The following STK32B variants were observed in gnomAD, a reference collection of about 807,000 sequenced individuals.
The protein encoded by STK32B is serine/threonine-protein kinase 32B.
A neutral mutation model predicts 52.6 loss-of-function variants in STK32B; 43 were observed. The observed-to-expected ratio is 0.82, with a 90% CI of 0.64 to 1.05. The LOEUF is 1.05. STK32B is among the 50% of genes least tolerant of loss of function. STK32B has a pLI of 0.00. For missense variants in STK32B, 621 were observed against 534.6 expected (o/e 1.16, Z -1.59); for synonymous variants, 238 against 204.3 (o/e 1.17, Z -1.41).
intron 3 of STK32B, among the ~76,000 whole-genome samples, chr4:5,308,232 C>T (rs1465317277): frequency 6.6e-6 from 1 of 152,126 alleles, no homozygotes; most frequent in Non-Finnish European, 1.5e-5. Context: ...TTGGCTGTCC[C>T]ACAGAGCCTG....
At chr4:5,224,334 T>A (rs573586187) in intron 3 of STK32B, among the ~76,000 whole-genome samples, 43 of 152,332 alleles carry the variant, frequency 2.8e-4, no homozygotes, top group African/African-American at 9.9e-4. Flanking sequence ...TGCACTTAGC[T>A]CCAGCTTGTC....
intron 4 of STK32B, among the ~76,000 whole-genome samples, chr4:5,341,598 A>T (rs1203225963): frequency 2.6e-5 from 4 of 152,240 alleles, no homozygotes; most frequent in Non-Finnish European, 5.9e-5. Flanking sequence ...TAAATTTGCT[A>T]TATTAGGCTG....
chr4:5,127,473 T>G (rs1715475971), intron 1 of STK32B, among the ~76,000 whole-genome samples: 1 of 152,200 alleles, frequency 6.6e-6, no homozygotes, highest in Admixed American at 6.5e-5. Context: ...CATCATTTAT[T>G]GAACCTCTTA....
intron 6 of STK32B, among the ~76,000 whole-genome samples, chr4:5,438,651 T>G (rs897362576): frequency 2.6e-5 from 4 of 152,242 alleles, no homozygotes; most frequent in African/African-American, 7.2e-5. Context: ...GTGCACATTG[T>G]GCAGGTTAGT....
At chr4:5,441,726 C>G (rs1354269898) in intron 6 of STK32B, among the ~76,000 whole-genome samples, 2 of 145,858 alleles carry the variant, frequency 1.4e-5, no homozygotes, top group Middle Eastern at 3.4e-3. Context: ...TTCCTGCTTT[C>G]TCTTGTGGGC....
intron 6 of STK32B, among the ~76,000 whole-genome samples, chr4:5,444,161 TA>T (rs1341494745): frequency 5.3e-5 from 8 of 152,120 alleles, no homozygotes; most frequent in African/African-American, 1.4e-4. Context: ...TTTGTTTACC[TA>T]ATCAAGCCTG....
At chr4:5,184,172 T>C (rs989545815) in intron 3 of STK32B, among the ~76,000 whole-genome samples, 11 of 152,200 alleles carry the variant, frequency 7.2e-5, no homozygotes, top group African/African-American at 2.7e-4. Flanking sequence ...TAATTATTTC[T>C]GGCTTTTGAT....
intron 11 of STK32B, among the ~76,000 whole-genome samples, chr4:5,490,911 T>C (rs1187682142): frequency 6.6e-6 from 1 of 152,234 alleles, no homozygotes. Flanking sequence ...ACTCATCATT[T>C]TTTATGGCTG....
intron 2 of STK32B, among the ~76,000 whole-genome samples, chr4:5,156,841 T>G (rs192548791): frequency 7.0e-4 from 107 of 152,066 alleles, no homozygotes; most frequent in Non-Finnish European, 1.1e-3. Context: ...TGAGCAAGAG[T>G]TGTACAAATG....
chr4:5,343,742 C>T (rs754380175), intron 4 of STK32B, among the ~76,000 whole-genome samples: 2 of 152,162 alleles, frequency 1.3e-5, no homozygotes, highest in Admixed American at 6.5e-5. Context: ...AATTAAAGAG[C>T]TTCTGCACAG....
intron 4 of STK32B, among the ~76,000 whole-genome samples, chr4:5,340,577 T>A (rs1437061206): frequency 6.6e-6 from 1 of 152,176 alleles, no homozygotes; most frequent in Admixed American, 6.5e-5. Context: ...TTGAGAATGA[T>A]CTTTCTGAAG....
chr4:5,079,977 G>A (rs1712315269), intron 1 of STK32B, among the ~76,000 whole-genome samples: 1 of 152,052 alleles, frequency 6.6e-6, no homozygotes, highest in African/African-American at 2.4e-5. Flanking sequence ...GGAATATAGG[G>A]GGCTGTTGGC....
intron 3 of STK32B, among the ~76,000 whole-genome samples, chr4:5,224,745 T>C (rs1412969867): frequency 1.3e-5 from 2 of 152,154 alleles, no homozygotes; most frequent in Non-Finnish European, 2.9e-5. Context: ...TTAATAATAT[T>C]AATGACAAAT....
In STK32B at chr4:5,416,857, T is replaced by C; in HGVS notation, c.485T>C (p.Ile162Thr). 1 of 1,613,850 alleles carries C rather than the reference T, an allele frequency of 6.2e-7. No homozygotes were observed. Among genetic ancestry groups the C allele is most frequent in the Non-Finnish European group, 8.5e-7 (1 of 1,179,890 alleles). The part of the protein sequence containing the change: ...ILLDEHGHVH[I>T]TDFNIATVVK... ...TCTGTATTTGCAGGACATGTTCACA[T>C]TACAGACTTCAACATAGCGACGGTA... The change falls in exon 6 of 12, where the codon ATT becomes ACT. Residue 162 changes from isoleucine (I) to threonine (T), a missense_variant. By Grantham distance (89) the Ile-to-Thr change is moderately conservative. Transcript: ENST00000282908.
chr4:5,299,711 C>A (rs66698262), intron 3 of STK32B, among the ~76,000 whole-genome samples: 20,939 of 152,128 alleles, frequency 0.14, 2,887 homozygotes, highest in African/African-American at 0.36. Context: ...ACGTTTCTTG[C>A]TTTGTTCTTT....
chr4:5,422,808 A>C (rs1712755628), intron 6 of STK32B, among the ~76,000 whole-genome samples: 1 of 152,110 alleles, frequency 6.6e-6, no homozygotes, highest in Admixed American at 6.6e-5. Context: ...TGGCATGAAG[A>C]GGGGGAGATG....
At chr4:5,138,362 A>G (rs1294103825) in intron 1 of STK32B, among the ~76,000 whole-genome samples, 1 of 152,082 alleles carries the variant, frequency 6.6e-6, no homozygotes, top group Non-Finnish European at 1.5e-5. Flanking sequence ...TGCTTCCATT[A>G]TGTGGTGAAC....
At chr4:5,254,974 A>G (rs1038668270) in intron 3 of STK32B, among the ~76,000 whole-genome samples, 7 of 151,318 alleles carry the variant, frequency 4.6e-5, no homozygotes, top group Admixed American at 3.3e-4. Context: ...TAATATATAT[A>G]TATGTTTATT....
At chr4:5,171,417 CTTCTAGGGTTTTT>C (rs1445029797) in intron 3 of STK32B, among the ~76,000 whole-genome samples, 1 of 151,954 alleles carries the variant, frequency 6.6e-6, no homozygotes, top group Non-Finnish European at 1.5e-5. Context: ...CCTAGGTTTT[CTTCTAGGGTTTTT>C]ATGGTTTTAG....
Sources: gnomAD v4.1 joint callset for allele counts (sites outside exome capture counted in the v4.1 genomes callset) on GRCh38, gnomAD v4.1.1 for gene constraint, MANE v1.5 for transcripts, NCBI Gene and HGNC (gene_info 2026-07-23, HGNC 2026-07-21) for gene names.